SEMA5A: variants seen among roughly 807,000 people sequenced by gnomAD.
SEMA5A encodes the protein semaphorin-5A.
In SEMA5A, 55 loss-of-function variants were observed where a neutral mutation model predicts 135.5. That is an observed-to-expected ratio of 0.41 (90% CI 0.33 to 0.51). The LOEUF is 0.51. Ranked by LOEUF, SEMA5A falls within the 20% of genes least tolerant of loss-of-function variation. SEMA5A has a pLI of 0.37. For synonymous variants in SEMA5A, 580 were observed against 546.5 expected, an observed-to-expected ratio of 1.06 and a Z score of -0.85; for missense variants, 1,290 against 1,419.9, an observed-to-expected ratio of 0.91 and a Z score of 1.47.
chr5:9,382,700 A>C (rs1341008104), intron 2 of SEMA5A, among the ~76,000 whole-genome samples: 2 of 152,200 alleles, frequency 1.3e-5, no homozygotes, highest in Non-Finnish European at 2.9e-5. Flanking sequence ...TTACTGAGTG[A>C]CAACTGCATA....
At chr5:9,524,776 A>G (rs980602493) in intron 1 of SEMA5A, among the ~76,000 whole-genome samples, 1 of 152,220 alleles carries the variant, frequency 6.6e-6, no homozygotes, top group Non-Finnish European at 1.5e-5. Flanking sequence ...AAATATATAC[A>G]TAAACACTTT....
intron 19 of SEMA5A, among the ~76,000 whole-genome samples, chr5:9,052,577 C>T (rs1561104482): frequency 6.6e-6 from 1 of 152,142 alleles, no homozygotes; most frequent in Non-Finnish European, 1.5e-5. Flanking sequence ...AACAATTCCG[C>T]AGAGTCAACA....
At chr5:9,230,158 CT>C (rs5865817) in intron 6 of SEMA5A, among the ~76,000 whole-genome samples, 4,481 of 98,342 alleles carry the variant, frequency 0.046, 39 homozygotes, top group Non-Finnish European at 0.06. Flanking sequence ...CTATTTTTTT[CT>C]TTTTTTTTTT....
chr5:9,466,017 C>A (rs532348904), intron 1 of SEMA5A, among the ~76,000 whole-genome samples: 13 of 152,198 alleles, frequency 8.5e-5, no homozygotes, highest in Admixed American at 8.5e-4. Flanking sequence ...ACAAGTTAAA[C>A]CAATGCTAAT....
intron 1 of SEMA5A, among the ~76,000 whole-genome samples, chr5:9,507,727 G>A (rs1196617623): frequency 1.3e-5 from 2 of 152,246 alleles, no homozygotes; most frequent in Non-Finnish European, 2.9e-5. Flanking sequence ...CTTCAGGGAC[G>A]GGTGCGGTGT....
At chr5:9,055,180 T>C (rs1736822982) in intron 18 of SEMA5A, among the ~76,000 whole-genome samples, 1 of 152,194 alleles carries the variant, frequency 6.6e-6, no homozygotes, top group Admixed American at 6.5e-5. Context: ...TCATGTTGGC[T>C]TGGGCTTGTG....
At chr5:9,407,864 CCACCAT>C (rs916854675) in intron 2 of SEMA5A, among the ~76,000 whole-genome samples, 1 of 152,044 alleles carries the variant, frequency 6.6e-6, no homozygotes, top group Non-Finnish European at 1.5e-5. Context: ...TCCTGCCTTA[CCACCAT>C]CACCATCACC....
chr5:9,319,096 C>T (rs1561141723), intron 4 of SEMA5A, among the ~76,000 whole-genome samples: 1 of 151,910 alleles, frequency 6.6e-6, no homozygotes, highest in African/African-American at 2.4e-5. Flanking sequence ...CCCAGCTACT[C>T]AGGAGGCTGA....
At chr5:9,114,884 T>C (rs1255443797) in intron 15 of SEMA5A, among the ~76,000 whole-genome samples, 1 of 152,212 alleles carries the variant, frequency 6.6e-6, no homozygotes. Flanking sequence ...AAACCTTTTA[T>C]TGTAACCTCA....
chr5:9,337,399 A>C (rs763219805), intron 4 of SEMA5A, among the ~76,000 whole-genome samples: 1 of 152,172 alleles, frequency 6.6e-6, no homozygotes, highest in Non-Finnish European at 1.5e-5. Context: ...TTCCTTCCTC[A>C]GTTTCCACAT....
At chr5:9,143,182 G>T (rs1742158913) in intron 12 of SEMA5A, among the ~76,000 whole-genome samples, 1 of 152,112 alleles carries the variant, frequency 6.6e-6, no homozygotes, top group African/African-American at 2.4e-5. Flanking sequence ...GTTTTTTTGA[G>T]ATGGAGATGC....
intron 11 of SEMA5A, among the ~76,000 whole-genome samples, chr5:9,189,221 G>T (rs1744963714): frequency 1.3e-5 from 2 of 152,222 alleles, no homozygotes; most frequent in African/African-American, 4.8e-5. Flanking sequence ...TGCTGTGTCT[G>T]CTCACCGTCA....
chr5:9,349,926 C>CAA (rs113875412), intron 3 of SEMA5A, among the ~76,000 whole-genome samples: 2 of 147,824 alleles, frequency 1.4e-5, no homozygotes, highest in African/African-American at 5.0e-5. Context: ...AACAAACAAA[C>CAA]AAAAAAAAAA....
intron 2 of SEMA5A, among the ~76,000 whole-genome samples, chr5:9,387,664 A>G (rs1042691149): frequency 2.0e-5 from 3 of 152,226 alleles, no homozygotes; most frequent in Non-Finnish European, 4.4e-5. Context: ...TTGCTGTTGT[A>G]TCAGATATTC....
intron 1 of SEMA5A, among the ~76,000 whole-genome samples, chr5:9,474,025 C>A (rs1307637709): frequency 2.6e-5 from 4 of 152,082 alleles, no homozygotes; most frequent in African/African-American, 7.2e-5. Flanking sequence ...ATGTAAGATA[C>A]ATCATGGACG....
chr5:9,109,230 C>T (rs1196643231), intron 15 of SEMA5A, among the ~76,000 whole-genome samples: 2 of 151,138 alleles, frequency 1.3e-5, no homozygotes, highest in East Asian at 2.0e-4. Flanking sequence ...TTAGTAGAGA[C>T]GGGGTTTCAC....
intron 5 of SEMA5A, among the ~76,000 whole-genome samples, chr5:9,314,823 G>C (rs1752321071): frequency 6.6e-6 from 1 of 152,066 alleles, no homozygotes; most frequent in African/African-American, 2.4e-5. Context: ...TTGCACCAAT[G>C]GTACAGCAGT....
At position 9,174,908 on chromosome 5, in the gene SEMA5A, C is replaced by T. The variant is rs79954394; in HGVS notation, c.1273+15359G>A. 3.2e-4 allele frequency among the ~76,000 whole-genome samples: 48 copies of T among 152,270 alleles called. No individual in the cohort carries two copies. In the East Asian group the frequency reaches 8.3e-3, roughly 26 times the overall value. ...TACAGACCTTTGAAGGCGTAAGAGA[C>T]GACAGCTCTGTGGTGATCTGAGCTT... On this transcript the variant is annotated intron_variant, in intron 11 of 22. Coordinates refer to ENST00000382496, the MANE Select transcript of SEMA5A (RefSeq NM_003966.3).
chr5:9,180,628 A>G (rs1744453737), intron 11 of SEMA5A, among the ~76,000 whole-genome samples: 1 of 152,208 alleles, frequency 6.6e-6, no homozygotes, highest in African/African-American at 2.4e-5. Context: ...GCAGCCGTAA[A>G]TGTATTAACT....
Sources: allele counts gnomAD v4.1 joint callset (sites outside exome capture counted in the v4.1 genomes callset), GRCh38; gene constraint gnomAD v4.1.1; transcripts MANE v1.5; gene names NCBI Gene and HGNC (gene_info 2026-07-23, HGNC 2026-07-21).